DDX54: variants seen among roughly 807,000 people sequenced by gnomAD.
DDX54 encodes the protein DEAD-box helicase 54, also known as ATP-dependent RNA helicase DDX54.
In DDX54, 67 loss-of-function variants were observed where a neutral mutation model predicts 105.5. The observed-to-expected ratio is 0.64, with a 90% CI of 0.52 to 0.78. DDX54 has a LOEUF of 0.78. Among genes scored for constraint, DDX54 ranks in the 30% least tolerant of loss-of-function variants. DDX54 has a pLI of 0.00. For synonymous variants in DDX54, 514 were observed against 509.9 expected, an observed-to-expected ratio of 1.01 and a Z score of -0.11; for missense variants, 1,206 against 1,230.5, an observed-to-expected ratio of 0.98 and a Z score of 0.30.
intron 12 of DDX54, among the ~76,000 whole-genome samples, chr12:113,166,750 C>T (rs969912193): frequency 6.6e-6 from 1 of 151,984 alleles, no homozygotes; most frequent in African/African-American, 2.4e-5. Context: ...AGCAACTTTG[C>T]TGACTCCAGC....
In DDX54 at chr12:113,163,422, G is replaced by A. The variant is rs1176946343; in HGVS notation, c.1939-148C>T. On this transcript the variant is annotated intron_variant, in intron 15 of 19. Coordinates refer to ENST00000306014, the MANE Select transcript of DDX54 (RefSeq NM_024072.4). This position sits in a 1 kb window ranked among gnomAD's most constrained non-coding sequence, Gnocchi z 5.9. ...CTTCATTTTGCCATTTCTTAGCTGGGTGACAGTGTCTCCTGTGGGACCCTC... is the reference window on the plus strand; with the variant it reads ...CTTCATTTTGCCATTTCTTAGCTGGATGACAGTGTCTCCTGTGGGACCCTC... The A allele has an allele frequency of 8.1e-7, 1 of 1,227,294 alleles. No individual in the cohort carries two copies. Among genetic ancestry groups the A allele is most frequent in the African/African-American group, 1.5e-5 (1 of 65,608 alleles). The allele number at this position is 1,227,294 out of a possible 1,614,324, so 76.0% of individuals were successfully genotyped here. A position where few individuals can be genotyped will look rare whatever the true frequency, so the allele number is the denominator to read the frequency against.
intron 10 of DDX54, 116 bp downstream of exon 10, chr12:113,174,524 A>G: frequency 2.8e-6 from 4 of 1,411,606 alleles, no homozygotes; most frequent in Non-Finnish European, 3.8e-6. Flanking sequence ...GACCATCTTG[A>G]GCCCAGGCCC....
intron 18 of DDX54, 85 bp from the exon 19 acceptor site, chr12:113,161,467 C>T (rs983805166): frequency 1.1e-5 from 12 of 1,101,602 alleles, no homozygotes; most frequent in Non-Finnish European, 1.6e-5. Context: ...GACAGAGTTC[C>T]GTTATCCCAG....
chr12:113,179,833 G>A (rs1952445243), intron 3 of DDX54, 102 bp downstream of exon 3: 1 of 1,350,702 alleles, frequency 7.4e-7, no homozygotes, highest in African/African-American at 1.4e-5. Flanking sequence ...AAAGGGGGCA[G>A]GAGATGTGAC....
intron 11 of DDX54, among the ~76,000 whole-genome samples, chr12:113,171,687 A>G (rs1424263061): frequency 6.6e-6 from 1 of 152,162 alleles, no homozygotes; most frequent in Non-Finnish European, 1.5e-5. Flanking sequence ...GCACACTGGG[A>G]AATGGCAAAA....
In DDX54 at chr12:113,161,381, A is replaced by G. The variant is rs915205674; in HGVS notation, c.2302T>C (p.Tyr768His). ...YISSSYKRDL[Y>H]QKWKQKQKID... ...TTCTGTTTCTGTTTCCACTTCTGAT[A>G]GCTGGGAAACCTCGTTAAGGAAGCT... Residue 768 changes from tyrosine to histidine, a missense_variant and splice_region_variant, in exon 19 of 20, where the codon TAT becomes CAT. Coordinates refer to ENST00000306014, the MANE Select transcript of DDX54 (RefSeq NM_024072.4). 2 of 1,611,398 alleles carry G rather than the reference A, an allele frequency of 1.2e-6. No homozygotes were observed. The highest frequency in any genetic ancestry group is 2.7e-5 in the African/African-American group (2 of 74,866).
intron 5 of DDX54, 131 bp downstream of exon 5, chr12:113,178,846 T>C (rs1952434179): frequency 7.8e-7 from 1 of 1,275,504 alleles, no homozygotes; most frequent in Non-Finnish European, 1.1e-6. Flanking sequence ...CCCGGCCTTG[T>C]TGGGTTTTTT....
intron 12 of DDX54, among the ~76,000 whole-genome samples, chr12:113,168,566 C>T (rs1182803563): frequency 1.3e-5 from 2 of 152,348 alleles, no homozygotes; most frequent in South Asian, 2.1e-4. Flanking sequence ...TAGTTGGAGG[C>T]CCACAGATGG....
chr12:113,170,378 C>T (rs552202569), intron 11 of DDX54, among the ~76,000 whole-genome samples: 3 of 152,274 alleles, frequency 2.0e-5, no homozygotes, highest in Admixed American at 6.5e-5. Context: ...TGGTGGCTCA[C>T]GCCTGTAATC....
At chr12:113,159,530 G>A (rs1952180008) in intron 19 of DDX54, among the ~76,000 whole-genome samples, 1 of 152,156 alleles carries the variant, frequency 6.6e-6, no homozygotes, top group Non-Finnish European at 1.5e-5. Flanking sequence ...CAACCAAGGA[G>A]TGTATGTCTC....
intron 11 of DDX54, among the ~76,000 whole-genome samples, chr12:113,171,486 C>T (rs1952338587): frequency 6.6e-6 from 1 of 152,004 alleles, no homozygotes; most frequent in South Asian, 2.1e-4. Flanking sequence ...CACCTGTAAT[C>T]CCAGCTACTC....
intron 13 of DDX54, 38 bp from the exon 14 acceptor site, chr12:113,165,755 G>T (rs1361429403): frequency 6.2e-7 from 1 of 1,605,892 alleles, no homozygotes; most frequent in East Asian, 2.2e-5. Flanking sequence ...CTGTGGGTGG[G>T]GTCAGCAAGG....
chr12:113,165,744 G>C (rs1337223327), intron 13 of DDX54, 27 bp from the exon 14 acceptor site: 34 of 1,609,780 alleles, frequency 2.1e-5, no homozygotes, highest in Non-Finnish European at 2.9e-5. Flanking sequence ...AAGGTGTGAG[G>C]CTGTGGGTGG....
intron 1 of DDX54, among the ~76,000 whole-genome samples, chr12:113,183,524 C>T (rs941615026): frequency 6.6e-6 from 1 of 152,260 alleles, no homozygotes; most frequent in Non-Finnish European, 1.5e-5. Context: ...TGTCCACTTA[C>T]TCATCTTGCC....
intron 18 of DDX54, chr12:113,161,628 G>A (rs1436316033): frequency 1.5e-5 from 8 of 522,720 alleles, no homozygotes; most frequent in Admixed American, 6.9e-5. Context: ...CCCCAGCACA[G>A]GCCCCACTTA....
chr12:113,176,752 T>C, intron 7 of DDX54, 88 bp downstream of exon 7: 2 of 1,444,792 alleles, frequency 1.4e-6, no homozygotes, highest in Admixed American at 3.5e-5. Context: ...CACAGGGCTC[T>C]CCTGGCAGAG....
chr12:113,182,043 G>A (rs186811420), intron 1 of DDX54, among the ~76,000 whole-genome samples: 28 of 152,054 alleles, frequency 1.8e-4, no homozygotes, highest in African/African-American at 6.5e-4. Flanking sequence ...AAGAGTGGCT[G>A]AAACTTACAA....
In DDX54 at chr12:113,181,849, T is replaced by C. The variant is rs556780041; in HGVS notation, c.175-791A>G. 8.5e-5 allele frequency among the ~76,000 whole-genome samples: 13 copies of C among 152,176 alleles called. No individual in the cohort carries two copies. The South Asian group carries it at 2.5e-3, about 29-fold the overall frequency. On this transcript the variant is annotated intron_variant, in intron 1 of 19. Transcript: ENST00000306014. ...CTTCTTGGACTACAGGGCTGTCCCC[T>C]TTCTCTTAAAAATAGCATTCATGGC...
At chr12:113,182,275 C>G (rs918790683) in intron 1 of DDX54, among the ~76,000 whole-genome samples, 3 of 152,112 alleles carry the variant, frequency 2.0e-5, no homozygotes, top group African/African-American at 7.2e-5. Context: ...TCACTGTGAC[C>G]CTCTAAGATT....
Sources: allele counts gnomAD v4.1 joint callset (sites outside exome capture counted in the v4.1 genomes callset), GRCh38; gene constraint gnomAD v4.1.1; non-coding constraint Gnocchi (gnomAD v3.1); transcripts MANE v1.5; gene names NCBI Gene and HGNC (gene_info 2026-07-23, HGNC 2026-07-21).